The following PGBD5 variants were observed in gnomAD, a reference collection of about 807,000 sequenced individuals.
PGBD5 encodes the protein piggyBac transposable element-derived protein 5.
A neutral mutation model predicts 47.9 loss-of-function variants in PGBD5; 14 were observed. That is an observed-to-expected ratio of 0.29 (90% CI 0.19 to 0.46). The LOEUF (loss-of-function observed/expected upper bound fraction) is 0.46. PGBD5 is among the 20% of genes least tolerant of loss of function. PGBD5 has a pLI of 1.00. For synonymous variants in PGBD5, 316 were observed against 306.3 expected (o/e 1.03, Z -0.33); for missense variants, 635 against 716.0 (o/e 0.89, Z 1.29).
chr1:230,378,084 C>T (rs1452083513), intron 1 of PGBD5, among the ~76,000 whole-genome samples: 1 of 152,238 alleles, frequency 6.6e-6, no homozygotes, highest in Admixed American at 6.5e-5. Context: ...AAATACCAAA[C>T]ATACTTTTAC....
intron 1 of PGBD5, among the ~76,000 whole-genome samples, chr1:230,376,732 T>C (rs574321156): frequency 6.6e-6 from 1 of 152,260 alleles, no homozygotes; most frequent in African/African-American, 2.4e-5. Flanking sequence ...CTGAGGCAGG[T>C]GACTCAGTTT....
At chr1:230,335,650 CACAA>C (rs1442178428) in intron 4 of PGBD5, among the ~76,000 whole-genome samples, 11 of 2,682 alleles carry the variant, frequency 4.1e-3, no homozygotes, top group African/African-American at 8.2e-3. Context: ...AACACAGACG[CACAA>C]ACAGACACAC....
intron 1 of PGBD5, among the ~76,000 whole-genome samples, chr1:230,417,785 G>A (rs560310381): frequency 1.3e-5 from 2 of 152,244 alleles, no homozygotes; most frequent in African/African-American, 4.8e-5. Flanking sequence ...CCTTCACTCT[G>A]TCTCTCCTAT....
rs942198527 is a variant in PGBD5, at chr1:230,319,524, C to T, written c.*3901G>A. On this transcript the variant is annotated 3_prime_UTR_variant, in exon 7 of 7. Coordinates refer to ENST00000391860, the MANE Select transcript of PGBD5 (RefSeq NM_001258311.2). ...CTCCCGGGTTTGCCCTGCTTCCTCT[C>T]AGCCTGATGCTTGGTGACCCCCCCT... 6.6e-6 allele frequency: 1 copy of T among 152,122 alleles called. No homozygotes were observed. Among genetic ancestry groups the T allele is most frequent in the African/African-American group, 2.4e-5 (1 of 41,416 alleles). 9.4% of individuals were successfully genotyped at this position (152,122 alleles called of 1,614,324 possible).
intron 1 of PGBD5, among the ~76,000 whole-genome samples, chr1:230,369,190 G>A (rs938701220): frequency 5.9e-5 from 9 of 152,228 alleles, no homozygotes; most frequent in African/African-American, 1.7e-4. Context: ...AACCCAGAAC[G>A]TGGATGTGGA....
At chr1:230,387,505 G>T (rs80249250) in intron 1 of PGBD5, among the ~76,000 whole-genome samples, 1,950 of 152,274 alleles carry the variant, frequency 0.013, 46 homozygotes, top group African/African-American at 0.045. Context: ...AGGCCAGGCT[G>T]GGGGGAGGCT....
In PGBD5 at chr1:230,375,796, G is replaced by A. The variant is rs1384960922; in HGVS notation, c.332-18475C>T. On this transcript the variant is annotated intron_variant, in intron 1 of 6. Coordinates refer to ENST00000391860, the MANE Select transcript of PGBD5 (RefSeq NM_001258311.2). Reference sequence around the variant, plus strand: ...GTACTAGTGTTGGCAGCTGTCAGGAGCACTTCTACAGTTGTTTTTTTTGTT... The same window carrying A: ...GTACTAGTGTTGGCAGCTGTCAGGAACACTTCTACAGTTGTTTTTTTTGTT... Among the ~76,000 whole-genome samples the A allele has an allele frequency of 5.9e-5, 9 of 151,670 alleles. No individual in the cohort carries two copies. In the East Asian group the frequency reaches 9.7e-4, roughly 16 times the overall value.
At chr1:230,412,449 C>T (rs1215223900) in intron 1 of PGBD5, among the ~76,000 whole-genome samples, 2 of 142,982 alleles carry the variant, frequency 1.4e-5, no homozygotes, top group Non-Finnish European at 1.5e-5. Flanking sequence ...AGTGCAATGG[C>T]GTGATCTTGG....
intron 1 of PGBD5, among the ~76,000 whole-genome samples, chr1:230,394,062 T>C (rs2795048): frequency 0.12 from 18,958 of 151,994 alleles, 2,213 homozygotes; most frequent in African/African-American, 0.31. Context: ...ATTCTACCTA[T>C]GGCTCCTCAG....
At chr1:230,340,102 C>T (rs1667388051) in intron 3 of PGBD5, among the ~76,000 whole-genome samples, 2 of 152,058 alleles carry the variant, frequency 1.3e-5, no homozygotes, top group Non-Finnish European at 2.9e-5. Flanking sequence ...TAAAAATATA[C>T]TATTTTTATT....
At chr1:230,404,106 T>A (rs1326870678) in intron 1 of PGBD5, among the ~76,000 whole-genome samples, 1 of 151,794 alleles carries the variant, frequency 6.6e-6, no homozygotes, top group Non-Finnish European at 1.5e-5. Flanking sequence ...AGATGCCGGG[T>A]GGAAGGCGTC....
intron 1 of PGBD5, chr1:230,377,408 G>A: frequency 1.5e-6 from 2 of 1,357,800 alleles, no homozygotes; most frequent in South Asian, 1.2e-5. Flanking sequence ...AAAGGCAGAA[G>A]CTGTGATGAT....
At chr1:230,399,660 T>A (rs958287630) in intron 1 of PGBD5, among the ~76,000 whole-genome samples, 1 of 151,636 alleles carries the variant, frequency 6.6e-6, no homozygotes, top group Non-Finnish European at 1.5e-5. Context: ...GTCGTGACCA[T>A]AGGAATGTGC....
chr1:230,409,636 C>A (rs1322502889), intron 1 of PGBD5, among the ~76,000 whole-genome samples: 3 of 152,080 alleles, frequency 2.0e-5, no homozygotes. Context: ...TATGAAATGT[C>A]TAGAATAGGC....
intron 5 of PGBD5, among the ~76,000 whole-genome samples, chr1:230,330,343 C>A (rs1667193933): frequency 6.6e-6 from 1 of 152,180 alleles, no homozygotes; most frequent in Non-Finnish European, 1.5e-5. Context: ...ACCCTTTGAC[C>A]CAGCACTTCC....
rs78085049 is a variant in PGBD5, at chr1:230,391,787, G to C, written c.331+33811C>G. ...TTTCTAGTAGCCAATAAATAGCAGAGACTTTATAATTATTAAGCAGCCCCA... is the reference window on the plus strand; with the variant it reads ...TTTCTAGTAGCCAATAAATAGCAGACACTTTATAATTATTAAGCAGCCCCA... On this transcript the variant is annotated intron_variant, in intron 1 of 6. Transcript: ENST00000391860. Among the ~76,000 whole-genome samples, 402 of 152,234 alleles carry C rather than the reference G, an allele frequency of 2.6e-3. 2 individuals carry two copies. Among genetic ancestry groups the C allele is most frequent in the African/African-American group, 9.5e-3 (394 of 41,542 alleles).
intron 1 of PGBD5, among the ~76,000 whole-genome samples, chr1:230,410,807 A>G (rs1197606891): frequency 6.6e-6 from 1 of 152,144 alleles, no homozygotes; most frequent in Non-Finnish European, 1.5e-5. Context: ...ATTTTACAAA[A>G]AAGATAAAAG....
chr1:230,419,221 G>A (rs896636845), intron 1 of PGBD5, among the ~76,000 whole-genome samples: 36 of 152,208 alleles, frequency 2.4e-4, no homozygotes, highest in African/African-American at 8.2e-4. Flanking sequence ...GGAACACCAC[G>A]CAGTTATAAA....
chr1:230,360,311 G>A (rs1254353557), intron 1 of PGBD5, among the ~76,000 whole-genome samples: 5 of 150,914 alleles, frequency 3.3e-5, no homozygotes, highest in African/African-American at 1.2e-4. Flanking sequence ...GCCTCTTTGA[G>A]TTGCTGGGAT....
Sources: allele counts gnomAD v4.1 joint callset (sites outside exome capture counted in the v4.1 genomes callset), GRCh38; gene constraint gnomAD v4.1.1; transcripts MANE v1.5; gene names NCBI Gene and HGNC (gene_info 2026-07-23, HGNC 2026-07-21).